Variants in EXOC1 observed in about 807,000 individuals in gnomAD.
EXOC1 encodes SEC3-like 1.
EXOC1 carries 67 observed loss-of-function variants against 107.7 expected under a neutral mutation model. The observed-to-expected ratio is 0.62, with a 90% confidence interval of 0.51 to 0.76. The LOEUF (loss-of-function observed/expected upper bound fraction) is 0.76. EXOC1 is among the 30% of genes least tolerant of loss of function. The pLI, the probability that EXOC1 is intolerant of heterozygous loss-of-function variation, is 0.00. For missense variants in EXOC1, 833 were observed against 1,055.7 expected, an observed-to-expected ratio of 0.79 and a Z score of 2.92; for synonymous variants, 348 against 353.5, an observed-to-expected ratio of 0.98 and a Z score of 0.17.
Position 55,890,402 on chromosome 4 carries a change from A to G in EXOC1, c.1539+16A>G, listed in dbSNP as rs773114940. 4.3e-6 allele frequency: 7 copies of G among 1,610,914 alleles called. No individual in the cohort carries two copies. Among genetic ancestry groups the G allele is most frequent in the Non-Finnish European group, 5.9e-6 (7 of 1,178,020 alleles). On this transcript the variant is annotated intron_variant, in intron 12 of 18. Coordinates refer to ENST00000381295, the MANE Select transcript of EXOC1 (RefSeq NM_001024924.2). The stretch of plus-strand genomic sequence containing the variant: ...ATTTGATAAGGTAAACTAAAATAAC[A>G]AGTACTTCTTAAACATTAACATTAG...
At chr4:55,869,540 A>G (rs751908050) in intron 5 of EXOC1, among the ~76,000 whole-genome samples, 2 of 152,210 alleles carry the variant, frequency 1.3e-5, no homozygotes, top group Non-Finnish European at 2.9e-5. Flanking sequence ...CATGAAAGGT[A>G]CAGAAGTTAT....
chr4:55,900,324 C>A (rs1725752942), intron 17 of EXOC1, among the ~76,000 whole-genome samples: 1 of 151,828 alleles, frequency 6.6e-6, no homozygotes, highest in South Asian at 2.1e-4. Context: ...TTATAAATGA[C>A]CAAGTTTACA....
intron 8 of EXOC1, among the ~76,000 whole-genome samples, chr4:55,873,038 A>C (rs559764482): frequency 6.6e-6 from 1 of 152,000 alleles, no homozygotes; most frequent in East Asian, 1.9e-4. Context: ...TTTTCACTCC[A>C]TTTAGTAATA....
intron 3 of EXOC1, among the ~76,000 whole-genome samples, chr4:55,860,958 C>CAAAAAA (rs749255857): frequency 2.7e-5 from 2 of 72,918 alleles, no homozygotes. Flanking sequence ...GTTTGTGGAT[C>CAAAAAA]AAAAAAAAAA....
intron 5 of EXOC1, among the ~76,000 whole-genome samples, chr4:55,869,377 GAACAA>G (rs1037695314): frequency 1.3e-5 from 2 of 151,858 alleles, no homozygotes; most frequent in African/African-American, 4.8e-5. Context: ...AAACAAAACA[GAACAA>G]AACAAAAAAA....
intron 10 of EXOC1, 71 bp from the exon 11 acceptor site, chr4:55,888,817 G>A: frequency 4.0e-6 from 6 of 1,486,828 alleles, no homozygotes; most frequent in Non-Finnish European, 5.6e-6. Context: ...TTCCTCTTGT[G>A]CATGGTTTGT....
rs1726417287 is a variant in EXOC1, at chr4:55,904,706, A to G, written c.*211A>G. 2.6e-6 allele frequency: 1 copy of G among 387,338 alleles called. No homozygotes were observed. Among genetic ancestry groups the G allele is most frequent in the African/African-American group, 2.1e-5 (1 of 48,192 alleles). 24.0% of individuals were successfully genotyped at this position (387,338 alleles called of 1,614,324 possible). A position where few individuals can be genotyped will look rare whatever the true frequency, so the allele number is the denominator to read the frequency against. Reference sequence around the variant, plus strand: ...TATTTGCCCTATAGGTTGCATACTAACTTAAGCATTCATGTCACCATAAAA... The same window carrying G: ...TATTTGCCCTATAGGTTGCATACTAGCTTAAGCATTCATGTCACCATAAAA... On this transcript the variant is annotated 3_prime_UTR_variant, in exon 19 of 19. Transcript: ENST00000381295.
chr4:55,883,972 G>T, intron 10 of EXOC1, 44 bp downstream of exon 10: 1 of 1,366,540 alleles, frequency 7.3e-7, no homozygotes. Flanking sequence ...ATTAAAAATG[G>T]CTTTATTTAT....
At chr4:55,865,493 G>A (rs184638116) in intron 4 of EXOC1, among the ~76,000 whole-genome samples, 37 of 152,284 alleles carry the variant, frequency 2.4e-4, no homozygotes, top group Admixed American at 2.3e-3. Flanking sequence ...TGGTAATTGA[G>A]TGTGTAGAGG....
At chr4:55,876,177 T>TA (rs1381775573) in intron 8 of EXOC1, 1 of 985,294 alleles carries the variant, frequency 1.0e-6, no homozygotes, top group East Asian at 1.1e-4. Context: ...ACAGAAAAGA[T>TA]ATGGTAGCCC....
At chr4:55,857,113 C>A (rs1225421937) in intron 1 of EXOC1, among the ~76,000 whole-genome samples, 1 of 143,244 alleles carries the variant, frequency 7.0e-6, no homozygotes, top group Non-Finnish European at 1.5e-5. Flanking sequence ...TTAGCATAAT[C>A]TTTTCAAGAT....
intron 5 of EXOC1, 83 bp downstream of exon 5, chr4:55,868,606 A>G: frequency 7.8e-7 from 1 of 1,274,246 alleles, no homozygotes. Flanking sequence ...CTACCTCAGC[A>G]CTTAAGCCTT....
At chr4:55,897,918 G>A (rs1179929570) in intron 16 of EXOC1, among the ~76,000 whole-genome samples, 1 of 152,108 alleles carries the variant, frequency 6.6e-6, no homozygotes, top group Admixed American at 6.5e-5. Flanking sequence ...GTCCAGCCTT[G>A]ATTTTTTCTT....
intron 6 of EXOC1, 38 bp downstream of exon 6, chr4:55,870,943 G>A: frequency 6.4e-7 from 1 of 1,571,846 alleles, no homozygotes; most frequent in Non-Finnish European, 8.6e-7. Context: ...AAAAAAACTA[G>A]TGATGATATA....
intron 3 of EXOC1, among the ~76,000 whole-genome samples, chr4:55,862,939 C>T (rs1721608496): frequency 6.6e-6 from 1 of 152,098 alleles, no homozygotes; most frequent in Non-Finnish European, 1.5e-5. Flanking sequence ...CTCACTCTGT[C>T]ACCCAGGCTG....
chr4:55,902,399 TAAGTTACCAACTTGCATTTAACA>T lies in EXOC1; in HGVS notation c.2396_2418del (p.Ser799ThrfsTer5). The T allele has an allele frequency of 6.3e-7, 1 of 1,581,596 alleles. No individual in the cohort carries two copies. On this transcript the variant is annotated frameshift_variant, in exon 18 of 19. Coordinates refer to ENST00000381295, the MANE Select transcript of EXOC1 (RefSeq NM_001024924.2). LOFTEE classifies it high-confidence loss of function. ...GCACAGGGCATAAGGGAGGAGGAAG[TAAGTTACCAACTTGCATTTAACA>T]AACAAGAACTTCGTAAAGTCATTAA...
At position 55,871,544 on chromosome 4, in the gene EXOC1, G is replaced by A. The variant is rs114293110; in HGVS notation, c.965-305G>A. Among the ~76,000 whole-genome samples, 626 of 152,212 alleles carry A rather than the reference G, an allele frequency of 4.1e-3. 3 individuals carry two copies. The highest frequency in any genetic ancestry group is 0.014 in the African/African-American group (577 of 41,512). ...CAATTATTTCAAAACTTGAGTGTCC[G>A]TCAGAATCCCTAGAGGTCTTGTTAA... is the stretch of plus-strand genomic sequence containing the variant. On this transcript the variant is annotated intron_variant, in intron 7 of 18. Transcript: ENST00000381295.
intron 9 of EXOC1, among the ~76,000 whole-genome samples, chr4:55,879,144 AC>A (rs1723157728): frequency 6.6e-6 from 1 of 152,226 alleles, no homozygotes; most frequent in African/African-American, 2.4e-5. Context: ...TGAATTGAGC[AC>A]CTATTACGTG....
At chr4:55,882,962 T>TA in intron 9 of EXOC1, 1 of 152,158 alleles carries the variant, frequency 6.6e-6, no homozygotes, top group Admixed American at 6.5e-5. Flanking sequence ...CTTGGAAAAA[T>TA]ATACAGTCTC....
Sources: allele counts gnomAD v4.1 joint callset (sites outside exome capture counted in the v4.1 genomes callset), GRCh38; gene constraint gnomAD v4.1.1; transcripts MANE v1.5; gene names NCBI Gene and HGNC (gene_info 2026-07-23, HGNC 2026-07-21).